DLG5: variants seen among roughly 807,000 people sequenced by gnomAD.
DLG5 encodes the protein discs large MAGUK scaffold protein 5, also known as disks large homolog 5.
Under a neutral mutation model 189.8 loss-of-function variants are expected in DLG5, and 48 were observed. The ratio of observed to expected loss-of-function variants is 0.25; its 90% CI spans 0.20 to 0.32. The LOEUF (loss-of-function observed/expected upper bound fraction) is 0.32, where lower values mean the gene tolerates loss of function less well. DLG5 is among the 10% of genes least tolerant of loss of function. The pLI is 1.00. For synonymous variants in DLG5, 1,016 were observed against 1,054.1 expected (o/e 0.96, Z 0.70); for missense variants, 2,160 against 2,544.7 (o/e 0.85, Z 3.25).
At chr10:77,836,381 G>A (rs1290350619) in intron 7 of DLG5, among the ~76,000 whole-genome samples, 2 of 152,068 alleles carry the variant, frequency 1.3e-5, no homozygotes, top group African/African-American at 4.8e-5. Context: ...GGATGACAAA[G>A]CAAGTGTTTA....
chr10:77,886,074 T>C (rs773567496), intron 1 of DLG5, among the ~76,000 whole-genome samples: 1 of 152,242 alleles, frequency 6.6e-6, no homozygotes, highest in Non-Finnish European at 1.5e-5. Context: ...GCTCCCAGCC[T>C]GGCTGTTCAT....
intron 1 of DLG5, among the ~76,000 whole-genome samples, chr10:77,876,446 C>T (rs1466536923): frequency 6.6e-6 from 1 of 150,850 alleles, no homozygotes; most frequent in Admixed American, 6.6e-5. Context: ...ACAATCTTAG[C>T]TCACTGTAAC....
At chr10:77,882,891 G>T (rs1332234341) in intron 1 of DLG5, among the ~76,000 whole-genome samples, 4 of 151,094 alleles carry the variant, frequency 2.6e-5, no homozygotes, top group Non-Finnish European at 5.9e-5. Flanking sequence ...TCCAGCCTGG[G>T]TGCACTCCAG....
Position 77,885,682 on chromosome 10 carries a change from C to T in DLG5, c.305-16485G>A, listed in dbSNP as rs368605095. Reference sequence around the variant, plus strand: ...ACTATGGCTGCTCTACTCTCCCTGCCCCCTGAGCAAGGCAAATGCTTAGTG... The same window carrying T: ...ACTATGGCTGCTCTACTCTCCCTGCTCCCTGAGCAAGGCAAATGCTTAGTG... On this transcript the variant is annotated intron_variant, in intron 1 of 31. Transcript: ENST00000372391. Among the ~76,000 whole-genome samples the T allele has an allele frequency of 6.6e-5, 10 of 152,292 alleles. No homozygotes were observed. In the East Asian group the frequency reaches 1.9e-3, roughly 29 times the overall value.
At chr10:77,891,609 C>CAG (rs892232334) in intron 1 of DLG5, among the ~76,000 whole-genome samples, 4 of 151,376 alleles carry the variant, frequency 2.6e-5, no homozygotes, top group African/African-American at 7.3e-5. Flanking sequence ...CACACACACA[C>CAG]ACACACGAGA....
At chr10:77,793,927 CA>C (rs1840770850) in intron 31 of DLG5, 80 bp downstream of exon 31, 2 of 1,337,550 alleles carry the variant, frequency 1.5e-6, no homozygotes, top group Non-Finnish European at 1.1e-6. Flanking sequence ...CGGGCTTCTC[CA>C]CGGCTAAGAA....
chr10:77,806,084 C>T (rs552555806), intron 26 of DLG5: 44 of 486,936 alleles, frequency 9.0e-5, no homozygotes, highest in African/African-American at 4.9e-4. Context: ...TCAGAGCAGG[C>T]GATTTTTTCT....
upstream of DLG5, chr10:77,927,895 G>C (rs942543224): frequency 6.6e-6 from 1 of 152,226 alleles, no homozygotes; most frequent in African/African-American, 2.4e-5. Flanking sequence ...TGTAGAGTGG[G>C]AACCCAGGTC....
At chr10:77,873,031 GCACACACA>G (rs1554826890) in intron 1 of DLG5, among the ~76,000 whole-genome samples, 1 of 45,488 alleles carries the variant, frequency 2.2e-5, no homozygotes, top group African/African-American at 5.2e-5. Context: ...GTGTGTGTGT[GCACACACA>G]CACACACACA....
At chr10:77,830,990 C>T (rs974512344) in intron 9 of DLG5, 117 bp from the exon 10 acceptor site, 12 of 1,229,390 alleles carry the variant, frequency 9.8e-6, no homozygotes, top group Middle Eastern at 2.6e-4. Context: ...GTTCCTTTCC[C>T]CCTTGTTTCC....
At chr10:77,900,422 T>C (rs960800384) in intron 1 of DLG5, among the ~76,000 whole-genome samples, 1 of 152,182 alleles carries the variant, frequency 6.6e-6, no homozygotes, top group Non-Finnish European at 1.5e-5. Context: ...AATGAACTTC[T>C]ACTCAGCCCA....
chr10:77,927,908 TTTCAAATATCTAC>T (rs1253014062), upstream of DLG5: 9 of 152,228 alleles, frequency 5.9e-5, no homozygotes, highest in African/African-American at 2.2e-4. Flanking sequence ...CCCAGGTCCA[TTTCAAATATCTAC>T]GTTGGAATGA....
chr10:77,918,866 A>G (rs542338217), intron 1 of DLG5, among the ~76,000 whole-genome samples: 4 of 152,054 alleles, frequency 2.6e-5, no homozygotes, highest in African/African-American at 7.2e-5. Flanking sequence ...ACGACTATAG[A>G]GCCCCCTCGC....
intron 2 of DLG5, among the ~76,000 whole-genome samples, chr10:77,858,160 G>A (rs1844323790): frequency 6.6e-6 from 1 of 152,044 alleles, no homozygotes; most frequent in African/African-American, 2.4e-5. Context: ...TTCAGGTTGT[G>A]GAACCCCAAC....
At chr10:77,864,127 C>T (rs911597358) in intron 2 of DLG5, among the ~76,000 whole-genome samples, 1 of 152,102 alleles carries the variant, frequency 6.6e-6, no homozygotes, top group Admixed American at 6.5e-5. Flanking sequence ...TCACCACCAC[C>T]GAGGCTCAGC....
rs190120095 is a variant in DLG5 at position 77,814,056 on chromosome 10, G to A, written c.4026-1679C>T. Among the ~76,000 whole-genome samples, 504 of 152,062 alleles carry A rather than the reference G, an allele frequency of 3.3e-3. 4 individuals are homozygous for A. The highest frequency in any genetic ancestry group is 0.012 in the African/African-American group (482 of 41,450). On this transcript the variant is annotated intron_variant, in intron 20 of 31. Coordinates refer to ENST00000372391, the MANE Select transcript of DLG5 (RefSeq NM_004747.4). ...TGCAGTGGCATGATCTCAGCTTGCT[G>A]CAATTCCACCTCCTGGGTTCCAATG... is the stretch of plus-strand genomic sequence containing the variant.
intron 6 of DLG5, 57 bp from the exon 7 acceptor site, chr10:77,842,250 C>CG (rs1843459211): frequency 3.2e-6 from 5 of 1,557,484 alleles, no homozygotes; most frequent in Non-Finnish European, 3.5e-6. Flanking sequence ...GGTCAGTGGC[C>CG]GGCTGCGCTG....
chr10:77,853,260 G>A (rs1447105169), intron 5 of DLG5, 94 bp downstream of exon 5: 19 of 1,216,602 alleles, frequency 1.6e-5, no homozygotes, highest in Non-Finnish European at 1.8e-5. Context: ...GAGCCAACGT[G>A]CCCGGCCCAG....
In DLG5 at chr10:77,816,591, C is replaced by T. The variant is rs140810720; in HGVS notation, c.3985G>A (p.Ala1329Thr). 8.7e-6 allele frequency: 14 copies of T among 1,614,062 alleles called. No individual in the cohort carries two copies. The highest frequency in any genetic ancestry group is 6.7e-5 in the African/African-American group (5 of 74,946). ...TCCCCGAGGGACGCGGGGTTGACAG[C>T]GATTCTGGGCAATGTGGAGGCTGAG... is the stretch of plus-strand genomic sequence containing the variant. ...QTSASTLPRI[A>T]VNPASLGERR... Residue 1329 changes from alanine to threonine, a missense_variant, in exon 20 of 32, where the codon GCT becomes ACT. By Grantham distance (58) the Ala-to-Thr change is moderately conservative. Around this residue, in one of 5 missense-constraint regions of DLG5, gnomAD observed 754 missense variants for 746.5 expected, o/e 1.01. Coordinates refer to ENST00000372391, the MANE Select transcript of DLG5 (RefSeq NM_004747.4).
Sources: allele counts gnomAD v4.1 joint callset (sites outside exome capture counted in the v4.1 genomes callset), GRCh38; gene constraint gnomAD v4.1.1; regional missense constraint gnomAD v4.1.1; transcripts MANE v1.5; gene names NCBI Gene and HGNC (gene_info 2026-07-23, HGNC 2026-07-21).